Variants in GRIN3A observed in about 807,000 individuals in gnomAD.
GRIN3A encodes the protein glutamate ionotropic receptor NMDA type subunit 3A.
GRIN3A carries 47 observed loss-of-function variants against 92.4 expected under a neutral mutation model. The observed-to-expected ratio is 0.51, with a 90% CI of 0.40 to 0.65. The LOEUF (loss-of-function observed/expected upper bound fraction) is 0.65. Ranked by LOEUF, GRIN3A falls within the 30% of genes least tolerant of loss-of-function variation. The pLI, the probability that GRIN3A is intolerant of heterozygous loss-of-function variation, is 0.00. For synonymous variants in GRIN3A, 527 were observed against 540.6 expected (o/e 0.97, Z 0.35); for missense variants, 1,324 against 1,393.1 (o/e 0.95, Z 0.79).
At chr9:101,602,330 T>A (rs1012716730) in intron 6 of GRIN3A, among the ~76,000 whole-genome samples, 1 of 152,166 alleles carries the variant, frequency 6.6e-6, no homozygotes, top group African/African-American at 2.4e-5. Flanking sequence ...ACAACTCGCA[T>A]CAATAGCCAC....
intron 1 of GRIN3A, 80 bp from the exon 2 acceptor site, chr9:101,687,280 G>A: frequency 7.1e-7 from 1 of 1,403,240 alleles, no homozygotes; most frequent in Non-Finnish European, 1.0e-6. Context: ...GCTTTCTTAT[G>A]AGGCTTAATC....
At chr9:101,605,245 G>A (rs1463882748) in intron 6 of GRIN3A, among the ~76,000 whole-genome samples, 1 of 152,202 alleles carries the variant, frequency 6.6e-6, no homozygotes, top group Non-Finnish European at 1.5e-5. Flanking sequence ...GAACTGGTTC[G>A]CAGCAGTGTC....
intron 1 of GRIN3A, among the ~76,000 whole-genome samples, chr9:101,700,770 T>C (rs903492181): frequency 3.3e-5 from 5 of 152,124 alleles, no homozygotes; most frequent in Non-Finnish European, 7.4e-5. Flanking sequence ...ACTGGAGACA[T>C]AACTGAAATT....
chr9:101,626,395 C>T (rs1466846767), intron 4 of GRIN3A, among the ~76,000 whole-genome samples: 1 of 152,114 alleles, frequency 6.6e-6, no homozygotes, highest in Non-Finnish European at 1.5e-5. Flanking sequence ...AGAAAAGTTC[C>T]TTGCACAGGC....
intron 1 of GRIN3A, among the ~76,000 whole-genome samples, chr9:101,734,403 T>A (rs1830175425): frequency 6.6e-6 from 1 of 152,222 alleles, no homozygotes. Flanking sequence ...GAAAACTGCT[T>A]TGACCCCATC....
chr9:101,660,298 C>T (rs970601171), intron 3 of GRIN3A, among the ~76,000 whole-genome samples: 4 of 151,774 alleles, frequency 2.6e-5, no homozygotes, highest in African/African-American at 9.7e-5. Flanking sequence ...ATGATCTATG[C>T]AAAATACATA....
rs141947554 is a variant in GRIN3A, at chr9:101,653,489, A to T, written c.2352+16571T>A. On this transcript the variant is annotated intron_variant, in intron 3 of 8. Coordinates refer to ENST00000361820, the MANE Select transcript of GRIN3A (RefSeq NM_133445.3). ...TGTGTCCATTGTAAATTGCACATTGATGAAACTTCAAAAATCCTATCATTT... is the reference window on the plus strand; with the variant it reads ...TGTGTCCATTGTAAATTGCACATTGTTGAAACTTCAAAAATCCTATCATTT... Among the ~76,000 whole-genome samples, 326 of 152,062 alleles carry T rather than the reference A, an allele frequency of 2.1e-3. 3 individuals are homozygous for T. Among genetic ancestry groups the T allele is most frequent in the African/African-American group, 7.1e-3 (295 of 41,564 alleles).
intron 1 of GRIN3A, among the ~76,000 whole-genome samples, chr9:101,692,402 G>T (rs1204294415): frequency 6.6e-6 from 1 of 152,148 alleles, no homozygotes; most frequent in African/African-American, 2.4e-5. Flanking sequence ...CACAGATTCT[G>T]CTAGTTTGTG....
intron 6 of GRIN3A, chr9:101,594,774 G>T (rs746497872): frequency 1.2e-6 from 2 of 1,613,844 alleles, no homozygotes; most frequent in Non-Finnish European, 1.7e-6. Context: ...GGGTTGTGGC[G>T]CAGCTCCGGC....
At chr9:101,663,559 G>A (rs1448814692) in intron 3 of GRIN3A, among the ~76,000 whole-genome samples, 1 of 151,658 alleles carries the variant, frequency 6.6e-6, no homozygotes, top group Non-Finnish European at 1.5e-5. Context: ...CCTTCTTTGT[G>A]GCAGCTTTCA....
intron 3 of GRIN3A, among the ~76,000 whole-genome samples, chr9:101,663,822 T>C (rs1280611052): frequency 6.6e-6 from 1 of 151,718 alleles, no homozygotes; most frequent in East Asian, 1.9e-4. Context: ...ACAACAATGA[T>C]ACTAGCTTCC....
At chr9:101,701,553 C>G (rs888587003) in intron 1 of GRIN3A, among the ~76,000 whole-genome samples, 1 of 152,034 alleles carries the variant, frequency 6.6e-6, no homozygotes, top group African/African-American at 2.4e-5. Context: ...CACTGTAAAA[C>G]CCCAAACTAC....
chr9:101,691,115 T>C (rs1030668247), intron 1 of GRIN3A, among the ~76,000 whole-genome samples: 8 of 152,108 alleles, frequency 5.3e-5, no homozygotes, highest in Non-Finnish European at 7.4e-5. Context: ...TAGTAATAAA[T>C]TGGGTAGACA....
chr9:101,676,640 T>A (rs1829399674), intron 2 of GRIN3A, among the ~76,000 whole-genome samples: 1 of 152,006 alleles, frequency 6.6e-6, no homozygotes, highest in Non-Finnish European at 1.5e-5. Flanking sequence ...CTAGTAACAT[T>A]CTCTCAAACT....
chr9:101,639,825 G>T (rs1828832886), intron 3 of GRIN3A, among the ~76,000 whole-genome samples: 1 of 152,262 alleles, frequency 6.6e-6, no homozygotes, highest in South Asian at 2.1e-4. Context: ...TAGACCCCAG[G>T]AAACCAGCCT....
At chr9:101,657,066 G>A (rs1191879739) in intron 3 of GRIN3A, among the ~76,000 whole-genome samples, 1 of 151,760 alleles carries the variant, frequency 6.6e-6, no homozygotes, top group African/African-American at 2.4e-5. Context: ...TTCAGATAAC[G>A]TTTGTCTTAC....
intron 1 of GRIN3A, among the ~76,000 whole-genome samples, chr9:101,699,134 GT>G (rs1181388677): frequency 6.6e-5 from 10 of 152,172 alleles, no homozygotes; most frequent in East Asian, 1.9e-4. Context: ...TATTCTATAA[GT>G]TTTTTTGTAT....
intron 3 of GRIN3A, among the ~76,000 whole-genome samples, chr9:101,630,272 T>C (rs1375556866): frequency 6.6e-6 from 1 of 152,226 alleles, no homozygotes; most frequent in Admixed American, 6.5e-5. Context: ...GAAAATTTTC[T>C]ATGTGAAGCC....
chr9:101,605,845 G>T (rs967813632), intron 6 of GRIN3A, among the ~76,000 whole-genome samples: 6 of 152,196 alleles, frequency 3.9e-5, no homozygotes, highest in Non-Finnish European at 8.8e-5. Flanking sequence ...TCTAATGTTT[G>T]GTTTCTTGCT....
Sources: allele counts gnomAD v4.1 joint callset (sites outside exome capture counted in the v4.1 genomes callset), GRCh38; gene constraint gnomAD v4.1.1; transcripts MANE v1.5; gene names NCBI Gene and HGNC (gene_info 2026-07-23, HGNC 2026-07-21).